Variants in PTPRR observed in about 807,000 individuals in gnomAD.
PTPRR encodes the protein receptor-type tyrosine-protein phosphatase R.
A neutral mutation model predicts 77.2 loss-of-function variants in PTPRR; 38 were observed. That is an observed-to-expected ratio of 0.49 (90% CI 0.38 to 0.65). The LOEUF is 0.65. PTPRR is among the 30% of genes least tolerant of loss of function. The pLI is 0.00. For synonymous variants in PTPRR, 299 were observed against 283.1 expected (o/e 1.06, Z -0.57); for missense variants, 744 against 799.2 (o/e 0.93, Z 0.83).
chr12:70,724,440 A>G (rs1344435368), intron 6 of PTPRR, among the ~76,000 whole-genome samples: 1 of 152,194 alleles, frequency 6.6e-6, no homozygotes, highest in Non-Finnish European at 1.5e-5. Context: ...AATTGAGATA[A>G]TATGTGTGAA....
rs369672020 is a variant in PTPRR, at chr12:70,763,770, C to T, written c.471+895G>A. Reference sequence around the variant, plus strand: ...AGCAATTTAAAACCTGTACAGTGATCCCAAAGTTCCTTTTCACATAAAACT... The same window carrying T: ...AGCAATTTAAAACCTGTACAGTGATTCCAAAGTTCCTTTTCACATAAAACT... On this transcript the variant is annotated intron_variant, in intron 3 of 13. Transcript: ENST00000283228. Among the ~76,000 whole-genome samples, 6 of 152,124 alleles carry T rather than the reference C, an allele frequency of 3.9e-5. No homozygotes were observed. The East Asian group carries it at 5.8e-4, about 15-fold the overall frequency.
At chr12:70,879,009 A>T (rs575395262) in intron 2 of PTPRR, among the ~76,000 whole-genome samples, 160 of 152,244 alleles carry the variant, frequency 1.1e-3, no homozygotes, top group Non-Finnish European at 1.9e-3. Context: ...AGAACAAAAA[A>T]CCAAACACCA....
chr12:70,721,809 T>C (rs1167870568), intron 6 of PTPRR, among the ~76,000 whole-genome samples: 2 of 152,158 alleles, frequency 1.3e-5, no homozygotes, highest in African/African-American at 2.4e-5. Flanking sequence ...GCCCTGCTAA[T>C]ATATCCAGGA....
chr12:70,725,206 CACTG>C (rs1397297999), intron 6 of PTPRR, among the ~76,000 whole-genome samples: 18 of 152,156 alleles, frequency 1.2e-4, no homozygotes, highest in African/African-American at 4.3e-4. Context: ...GACATTCAGT[CACTG>C]ACTGATTTTG....
intron 1 of PTPRR, among the ~76,000 whole-genome samples, chr12:70,899,915 G>A (rs1305060814): frequency 3.3e-5 from 5 of 151,148 alleles, no homozygotes. Context: ...AAAACTAGAA[G>A]TAAAAAAAAC....
At chr12:70,785,298 T>C (rs1332894722) in intron 2 of PTPRR, among the ~76,000 whole-genome samples, 1 of 150,824 alleles carries the variant, frequency 6.6e-6, no homozygotes, top group East Asian at 1.9e-4. Context: ...ATCCTACTCA[T>C]TTGAAATGCT....
intron 6 of PTPRR, 100 bp from the exon 7 acceptor site, chr12:70,701,423 C>T: frequency 9.8e-7 from 1 of 1,018,684 alleles, no homozygotes; most frequent in Non-Finnish European, 1.4e-6. Flanking sequence ...AGAACTTTTA[C>T]AGAAATAACA....
At chr12:70,793,799 A>G (rs1275547200) in intron 2 of PTPRR, among the ~76,000 whole-genome samples, 1 of 152,206 alleles carries the variant, frequency 6.6e-6, no homozygotes, top group African/African-American at 2.4e-5. Context: ...TTTCAAGGGC[A>G]CAAATTTTTC....
intron 2 of PTPRR, among the ~76,000 whole-genome samples, chr12:70,853,535 T>C (rs1892605099): frequency 6.6e-6 from 1 of 152,252 alleles, no homozygotes; most frequent in South Asian, 2.1e-4. Flanking sequence ...TGTCTTCCTT[T>C]GGATTTTCTG....
chr12:70,803,578 T>C (rs1413029916), intron 2 of PTPRR, among the ~76,000 whole-genome samples: 1 of 152,132 alleles, frequency 6.6e-6, no homozygotes, highest in Non-Finnish European at 1.5e-5. Flanking sequence ...TAGCTTCCCA[T>C]ACAGTTCCCA....
At chr12:70,885,995 A>G (rs1002869506) in intron 2 of PTPRR, among the ~76,000 whole-genome samples, 1 of 152,208 alleles carries the variant, frequency 6.6e-6, no homozygotes, top group Non-Finnish European at 1.5e-5. Context: ...AATCAATTAA[A>G]CCAGCTCTCT....
intron 2 of PTPRR, among the ~76,000 whole-genome samples, chr12:70,875,058 A>G (rs1893028112): frequency 6.6e-6 from 1 of 152,204 alleles, no homozygotes; most frequent in Non-Finnish European, 1.5e-5. Context: ...AAAGGTATTA[A>G]CAATGTGAAT....
chr12:70,645,652 T>C (rs537957665), intron 13 of PTPRR, among the ~76,000 whole-genome samples: 17 of 152,306 alleles, frequency 1.1e-4, no homozygotes, highest in African/African-American at 3.6e-4. Context: ...CCACAGACTA[T>C]GAAATGCTGT....
At chr12:70,819,332 A>G (rs1466014668) in intron 2 of PTPRR, among the ~76,000 whole-genome samples, 2 of 152,184 alleles carry the variant, frequency 1.3e-5, no homozygotes, top group African/African-American at 2.4e-5. Context: ...AAGAAAGAAT[A>G]AAGAGCAAAA....
intron 2 of PTPRR, among the ~76,000 whole-genome samples, chr12:70,801,988 A>C (rs1005807869): frequency 6.6e-6 from 1 of 152,168 alleles, no homozygotes; most frequent in African/African-American, 2.4e-5. Flanking sequence ...GGTGTCGCAG[A>C]GTAGGTTGTG....
chr12:70,765,457 G>T (rs566651068), intron 2 of PTPRR, among the ~76,000 whole-genome samples: 48 of 152,304 alleles, frequency 3.2e-4, no homozygotes, highest in Non-Finnish European at 6.0e-4. Context: ...GAGGCTGGGG[G>T]AGGGGTGCCC....
At chr12:70,912,472 G>GA (rs1246788759) in intron 1 of PTPRR, among the ~76,000 whole-genome samples, 3 of 151,726 alleles carry the variant, frequency 2.0e-5, no homozygotes, top group Admixed American at 6.6e-5. Flanking sequence ...CTTTAGATCT[G>GA]AAAAAAAGGA....
intron 2 of PTPRR, among the ~76,000 whole-genome samples, chr12:70,777,537 T>A (rs923916202): frequency 1.3e-5 from 2 of 152,180 alleles, no homozygotes; most frequent in African/African-American, 4.8e-5. Flanking sequence ...TGTAATTATA[T>A]TATTATTTCT....
At position 70,701,287 on chromosome 12, in the gene PTPRR, A is replaced by G. The variant is rs1025902731; in HGVS notation, c.1044T>C (p.Ser348=). The G allele has an allele frequency of 6.2e-7, 1 of 1,613,826 alleles. No individual in the cohort carries two copies. The highest frequency in any genetic ancestry group is 1.3e-5 in the African/African-American group (1 of 75,010). ...CAAAGGGTTCAATGTTCCCCAAGCT[A>G]CTCATGTCCAATGTAAGAGATACGT... is the stretch of plus-strand genomic sequence containing the variant. The part of the protein sequence containing the change: ...GSNVSLTLDM[S]SLGNIEPFVS... The change falls in exon 7 of 14, where the codon AGT becomes AGC. Residue 348 remains serine (S), a synonymous_variant. Coordinates refer to ENST00000283228, the MANE Select transcript of PTPRR (RefSeq NM_002849.4).
Sources: allele counts gnomAD v4.1 joint callset (sites outside exome capture counted in the v4.1 genomes callset), GRCh38; gene constraint gnomAD v4.1.1; transcripts MANE v1.5; gene names NCBI Gene and HGNC (gene_info 2026-07-23, HGNC 2026-07-21).